MTARC2: variants seen among roughly 807,000 people sequenced by gnomAD.
The protein encoded by MTARC2 is MOCO sulphurase C-terminal domain containing 2.
MTARC2 carries 27 observed loss-of-function variants against 35.6 expected under a neutral mutation model. The observed-to-expected ratio is 0.76, with a 90% CI of 0.56 to 1.04. The LOEUF is 1.04. MTARC2 is among the 50% of genes least tolerant of loss of function. The pLI is 0.00. For synonymous variants in MTARC2, 158 were observed against 167.1 expected, an observed-to-expected ratio of 0.95 and a Z score of 0.42; for missense variants, 412 against 432.5, an observed-to-expected ratio of 0.95 and a Z score of 0.42.
At chr1:220,777,321 A>G (rs914848088) in intron 4 of MTARC2, among the ~76,000 whole-genome samples, 46 of 152,222 alleles carry the variant, frequency 3.0e-4, no homozygotes, top group African/African-American at 1.1e-3. Flanking sequence ...AATCATTTGC[A>G]TTTGCTGAAG....
At chr1:220,748,863 G>T (rs1671057539) in intron 1 of MTARC2, 60 bp downstream of exon 1, 6 of 1,484,556 alleles carry the variant, frequency 4.0e-6, no homozygotes, top group Non-Finnish European at 5.3e-6. Context: ...GAGCGGGGGG[G>T]CAGGTGGGGC....
intron 1 of MTARC2, among the ~76,000 whole-genome samples, chr1:220,753,760 G>A (rs1348499709): frequency 2.0e-5 from 3 of 152,168 alleles, no homozygotes; most frequent in Non-Finnish European, 2.9e-5. Context: ...TTCTAAAATA[G>A]TGATATTGGG....
chr1:220,752,964 C>G (rs578156961), intron 1 of MTARC2, among the ~76,000 whole-genome samples: 36 of 151,372 alleles, frequency 2.4e-4, no homozygotes, highest in African/African-American at 7.5e-4. Context: ...CCTGTAATCC[C>G]AACACTTTGG....
intron 2 of MTARC2, among the ~76,000 whole-genome samples, chr1:220,761,286 G>A (rs1254403863): frequency 6.6e-6 from 1 of 152,234 alleles, no homozygotes; most frequent in East Asian, 1.9e-4. Flanking sequence ...AGCTCAGGGT[G>A]CATCTGCCAC....
At chr1:220,758,595 T>A (rs1036442094) in intron 2 of MTARC2, among the ~76,000 whole-genome samples, 21 of 152,090 alleles carry the variant, frequency 1.4e-4, no homozygotes, top group Middle Eastern at 3.4e-3. Context: ...AATTTTTGTA[T>A]TTTAGTAGAG....
At chr1:220,754,908 G>A in intron 1 of MTARC2, 39 bp from the exon 2 acceptor site, 2 of 1,528,414 alleles carry the variant, frequency 1.3e-6, no homozygotes, top group Non-Finnish European at 1.8e-6. Flanking sequence ...GGAGGTGGAA[G>A]AGGATTTTCT....
At chr1:220,757,577 T>G (rs939663435) in intron 2 of MTARC2, among the ~76,000 whole-genome samples, 1 of 152,208 alleles carries the variant, frequency 6.6e-6, no homozygotes, top group African/African-American at 2.4e-5. Flanking sequence ...GAGGTGCTGG[T>G]AGATTGGTGA....
chr1:220,761,739 G>A lies in MTARC2; in HGVS notation c.528G>A (p.Ala176=), dbSNP rs2275575. Residue 176 remains alanine, a synonymous_variant, in exon 3 of 8, where the codon GCG becomes GCA. Transcript: ENST00000366913. ...TCACCAACTTCTTGAAAACTGAAGC[G>A]TATAGATTGGTTCAATTTGAGACAA... is the stretch of plus-strand genomic sequence containing the variant. The part of the protein sequence containing the change: ...KWFTNFLKTE[A]YRLVQFETNM... 247,432 of 1,613,310 alleles carry A rather than the reference G, an allele frequency of 0.15. 21,906 individuals carry two copies. Among genetic ancestry groups the A allele is most frequent in the Admixed American group, 0.35 (20,831 of 59,850 alleles).
chr1:220,775,927 T>C (rs1671894970), intron 4 of MTARC2, among the ~76,000 whole-genome samples: 1 of 152,242 alleles, frequency 6.6e-6, no homozygotes, highest in Non-Finnish European at 1.5e-5. Flanking sequence ...CAGTCCACTG[T>C]TGATAGGCAT....
intron 1 of MTARC2, among the ~76,000 whole-genome samples, chr1:220,749,257 T>C (rs1349707801): frequency 1.3e-5 from 2 of 152,244 alleles, no homozygotes; most frequent in East Asian, 3.9e-4. Context: ...TGATACACTT[T>C]GATGAAGGAT....
At chr1:220,772,274 G>A (rs898817886) in intron 4 of MTARC2, among the ~76,000 whole-genome samples, 5 of 152,148 alleles carry the variant, frequency 3.3e-5, no homozygotes, top group Non-Finnish European at 7.4e-5. Context: ...CATTTTAAAG[G>A]CTCTCTGTAT....
At chr1:220,752,319 G>T (rs1478100419) in intron 1 of MTARC2, among the ~76,000 whole-genome samples, 1 of 151,882 alleles carries the variant, frequency 6.6e-6, no homozygotes, top group South Asian at 2.1e-4. Context: ...AGGGAGTCTT[G>T]TCTGGGGAAG....
At chr1:220,755,624 G>A (rs1671256882) in intron 2 of MTARC2, among the ~76,000 whole-genome samples, 1 of 152,108 alleles carries the variant, frequency 6.6e-6, no homozygotes, top group Non-Finnish European at 1.5e-5. Context: ...GGTTGACTAG[G>A]GCATGGGACT....
chr1:220,748,457 A>G lies in MTARC2; in HGVS notation c.-75A>G. 1 of 1,316,206 alleles carries G rather than the reference A, an allele frequency of 7.6e-7. No individual in the cohort carries two copies. 81.5% of individuals were successfully genotyped at this position (1,316,206 alleles called of 1,614,324 possible). On this transcript the variant is annotated 5_prime_UTR_variant, in exon 1 of 8. Coordinates refer to ENST00000366913, the MANE Select transcript of MTARC2 (RefSeq NM_017898.5). ...ACTCCTCTCGCCTGCCCGGATCCTTAAGGGCCTCCTCGTCCTCCCGGTCTC... is the reference window on the plus strand; with the variant it reads ...ACTCCTCTCGCCTGCCCGGATCCTTGAGGGCCTCCTCGTCCTCCCGGTCTC...
rs1475217011 is a variant in MTARC2, at chr1:220,748,418, T to C, written c.-114T>C. 18 of 1,094,030 alleles carry C rather than the reference T, an allele frequency of 1.6e-5. No homozygotes were observed. In the African/African-American group the frequency reaches 1.7e-4, roughly 10 times the overall value. 67.8% of individuals were successfully genotyped at this position (1,094,030 alleles called of 1,614,324 possible). On this transcript the variant is annotated 5_prime_UTR_variant, in exon 1 of 8. Coordinates refer to ENST00000366913, the MANE Select transcript of MTARC2 (RefSeq NM_017898.5). ...GGTGAAAGTGTGAGAGGGTCCGTAGTTGGGTCAACTTTGACTCCTCTCGCC... is the reference window on the plus strand; with the variant it reads ...GGTGAAAGTGTGAGAGGGTCCGTAGCTGGGTCAACTTTGACTCCTCTCGCC...
intron 4 of MTARC2, among the ~76,000 whole-genome samples, chr1:220,773,525 G>A (rs1000951738): frequency 6.6e-6 from 1 of 152,130 alleles, no homozygotes; most frequent in Non-Finnish European, 1.5e-5. Flanking sequence ...TCAATTTATA[G>A]CCAGTTGGTG....
intron 4 of MTARC2, among the ~76,000 whole-genome samples, chr1:220,767,292 C>G (rs1213171501): frequency 6.6e-6 from 1 of 152,180 alleles, no homozygotes; most frequent in Admixed American, 6.5e-5. Context: ...GAGTAGGACT[C>G]TCTTAAATAT....
At chr1:220,765,808 C>A (rs1195403372) in intron 4 of MTARC2, among the ~76,000 whole-genome samples, 1 of 152,178 alleles carries the variant, frequency 6.6e-6, no homozygotes, top group Non-Finnish European at 1.5e-5. Context: ...TCTTGAACTC[C>A]TGGACTCAAG....
chr1:220,769,414 C>G (rs1032300362), intron 4 of MTARC2, among the ~76,000 whole-genome samples: 2 of 152,168 alleles, frequency 1.3e-5, no homozygotes, highest in African/African-American at 2.4e-5. Flanking sequence ...CCTCTGGCTG[C>G]ACATCGGGCC....
Sources: allele counts gnomAD v4.1 joint callset (sites outside exome capture counted in the v4.1 genomes callset), GRCh38; gene constraint gnomAD v4.1.1; transcripts MANE v1.5; gene names NCBI Gene and HGNC (gene_info 2026-07-23, HGNC 2026-07-21).